MAP4K3: variants seen among roughly 807,000 people sequenced by gnomAD.
MAP4K3 encodes MAPK/ERK kinase kinase kinase 3.
In MAP4K3, 94 loss-of-function variants were observed where a neutral mutation model predicts 143.5. That is an observed-to-expected ratio of 0.65 (90% CI 0.55 to 0.78). The LOEUF (loss-of-function observed/expected upper bound fraction) is 0.78. Among genes scored for constraint, MAP4K3 ranks in the 30% least tolerant of loss-of-function variants. The pLI, the probability that MAP4K3 is intolerant of heterozygous loss-of-function variation, is 0.00. For missense variants in MAP4K3, 1,077 were observed against 1,068.1 expected, an observed-to-expected ratio of 1.01 and a Z score of -0.12; for synonymous variants, 416 against 347.2, an observed-to-expected ratio of 1.20 and a Z score of -2.20.
rs555556350 is a variant in MAP4K3 at position 39,278,415 on chromosome 2, T to C, written c.1786A>G (p.Met596Val). ...TATACAAAATAACATACCTGTTCCA[T>C]TGATGTTTCATGAAGTTCATTAAGA... ...LNLNELHETS[M>V]EQLFPRRCTW... Residue 596 changes from methionine to valine, a missense_variant, in exon 24 of 34, where the codon ATG (methionine) becomes GTG (valine). This residue lies in a region of MAP4K3 where 864 missense variants were observed against 801.2 expected (regional missense o/e 1.08). Coordinates refer to ENST00000263881, the MANE Select transcript of MAP4K3 (RefSeq NM_003618.4). The C allele has an allele frequency of 1.3e-6, 2 of 1,575,158 alleles. No homozygotes were observed. Among genetic ancestry groups the C allele is most frequent in the South Asian group, 1.2e-5 (1 of 84,242 alleles).
intron 4 of MAP4K3, among the ~76,000 whole-genome samples, chr2:39,338,431 T>C (rs4630750): frequency 0.75 from 113,200 of 151,910 alleles, 45,435 homozygotes; most frequent in Non-Finnish European, 0.89. Context: ...TAAAGGTCTC[T>C]TCTTTATCCA....
chr2:39,364,377 TAA>T (rs1205920255), intron 2 of MAP4K3, among the ~76,000 whole-genome samples: 1 of 152,234 alleles, frequency 6.6e-6, no homozygotes, highest in Non-Finnish European at 1.5e-5. Context: ...TTAAATTTGT[TAA>T]GAGAATAGGT....
chr2:39,278,323 T>A (rs1681363765), intron 24 of MAP4K3, 84 bp downstream of exon 24: 1 of 744,092 alleles, frequency 1.3e-6, no homozygotes, highest in East Asian at 2.9e-5. Context: ...CAGCAAGTCA[T>A]GAAACTGAAC....
intron 4 of MAP4K3, among the ~76,000 whole-genome samples, chr2:39,339,807 A>C (rs1243321084): frequency 3.3e-5 from 5 of 152,158 alleles, no homozygotes; most frequent in Admixed American, 1.3e-4. Flanking sequence ...CCCAGAAAAA[A>C]AACAACAACA....
At chr2:39,396,327 C>T (rs1032141589) in intron 1 of MAP4K3, among the ~76,000 whole-genome samples, 1 of 152,134 alleles carries the variant, frequency 6.6e-6, no homozygotes, top group African/African-American at 2.4e-5. Flanking sequence ...AGGTGAGCCA[C>T]TGCACCCGGC....
At chr2:39,304,589 G>A (rs1425187236) in intron 15 of MAP4K3, among the ~76,000 whole-genome samples, 3 of 152,230 alleles carry the variant, frequency 2.0e-5, no homozygotes, top group African/African-American at 7.2e-5. Context: ...ATGAGGATGT[G>A]GAGAAAGTAG....
rs200427628 is a variant in MAP4K3 at position 39,272,537 on chromosome 2, G to T, written c.1800C>A (p.Phe600Leu). The T allele has an allele frequency of 3.5e-5, 57 of 1,612,430 alleles. No homozygotes were observed. Among genetic ancestry groups the T allele is most frequent in the Non-Finnish European group, 4.6e-5 (54 of 1,179,126 alleles). The change falls in exon 25 of 34, where the codon TTC becomes TTA. Residue 600 changes from phenylalanine to leucine, a missense_variant. Physicochemically the swap from Phe to Leu is conservative, Grantham distance 22. Transcript: ENST00000263881. ...ELHETSMEQL[F>L]PRRCTWLYVM... The stretch of plus-strand genomic sequence containing the variant: ...CATACAACCATGTACACCTTCGAGG[G>T]AATAGCTGATTAAAAAAAGGCACAA...
intron 1 of MAP4K3, among the ~76,000 whole-genome samples, chr2:39,429,798 C>CT (rs954477797): frequency 3.3e-5 from 5 of 152,188 alleles, no homozygotes; most frequent in African/African-American, 1.2e-4. Flanking sequence ...AGGACCCACT[C>CT]TGCCTAATTT....
chr2:39,351,607 T>C (rs867997172), intron 3 of MAP4K3, among the ~76,000 whole-genome samples: 1 of 152,214 alleles, frequency 6.6e-6, no homozygotes, highest in Non-Finnish European at 1.5e-5. Context: ...ATTTACTTAT[T>C]TAAGTTGTTA....
In MAP4K3 at chr2:39,331,907, A is replaced by G; in HGVS notation, c.530+10T>C. 6.5e-7 allele frequency: 1 copy of G among 1,536,818 alleles called. No individual in the cohort carries two copies. Among genetic ancestry groups the G allele is most frequent in the African/African-American group, 1.4e-5 (1 of 73,686 alleles). Reference sequence around the variant, plus strand: ...AACAAAGTATTAAATATCAATTAAAATACAATTACCAATATGGTGTGCCAA... The same window carrying G: ...AACAAAGTATTAAATATCAATTAAAGTACAATTACCAATATGGTGTGCCAA... On this transcript the variant is annotated intron_variant, in intron 8 of 33. Coordinates refer to ENST00000263881, the MANE Select transcript of MAP4K3 (RefSeq NM_003618.4).
chr2:39,279,403 C>T (rs1008201598), intron 23 of MAP4K3, among the ~76,000 whole-genome samples: 6 of 152,118 alleles, frequency 3.9e-5, no homozygotes, highest in African/African-American at 1.2e-4. Context: ...TTGCCTATGA[C>T]ATAAAAGTAC....
intron 12 of MAP4K3, among the ~76,000 whole-genome samples, chr2:39,321,239 T>C (rs1174695619): frequency 6.6e-6 from 1 of 152,184 alleles, no homozygotes; most frequent in Non-Finnish European, 1.5e-5. Flanking sequence ...TTTTGTTCTA[T>C]ACTAAAAAAT....
intron 27 of MAP4K3, among the ~76,000 whole-genome samples, chr2:39,266,841 T>C (rs562327020): frequency 9.2e-5 from 14 of 151,912 alleles, no homozygotes; most frequent in South Asian, 2.1e-4. Context: ...TCACAAGCCA[T>C]TGCTAAGCAG....
intron 2 of MAP4K3, among the ~76,000 whole-genome samples, chr2:39,372,492 GAA>G (rs556275987): frequency 1.6e-5 from 2 of 123,236 alleles, no homozygotes; most frequent in Non-Finnish European, 1.8e-5. Flanking sequence ...CTATCCTAAG[GAA>G]AAAAAAAAAA....
At chr2:39,331,871 A>C in intron 8 of MAP4K3, 46 bp downstream of exon 8, 1 of 1,249,422 alleles carries the variant, frequency 8.0e-7, no homozygotes, top group Non-Finnish European at 1.1e-6. Flanking sequence ...TGCTATATCC[A>C]ATAATGATAG....
chr2:39,346,645 T>A (rs1284653414), intron 3 of MAP4K3, among the ~76,000 whole-genome samples: 1 of 152,140 alleles, frequency 6.6e-6, no homozygotes, highest in Admixed American at 6.5e-5. Context: ...CAGAAGCAGT[T>A]GGTTAGCATC....
chr2:39,372,102 T>C (rs1436512886), intron 2 of MAP4K3, among the ~76,000 whole-genome samples: 1 of 151,526 alleles, frequency 6.6e-6, no homozygotes, highest in African/African-American at 2.4e-5. Flanking sequence ...GGACACAAAA[T>C]AAATATTCAA....
At chr2:39,255,822 G>A (rs1322304063) in intron 31 of MAP4K3, among the ~76,000 whole-genome samples, 3 of 152,106 alleles carry the variant, frequency 2.0e-5, no homozygotes, top group Non-Finnish European at 4.4e-5. Context: ...CGCCGCGCCT[G>A]GCCATTCCAT....
chr2:39,268,262 G>T (rs1410034643), intron 26 of MAP4K3, among the ~76,000 whole-genome samples: 2 of 152,032 alleles, frequency 1.3e-5, no homozygotes, highest in East Asian at 3.8e-4. Context: ...AAGGTTGTTG[G>T]TGCATCAAAT....
Sources: allele counts gnomAD v4.1 joint callset (sites outside exome capture counted in the v4.1 genomes callset), GRCh38; gene constraint gnomAD v4.1.1; regional missense constraint gnomAD v4.1.1; transcripts MANE v1.5; gene names NCBI Gene and HGNC (gene_info 2026-07-23, HGNC 2026-07-21).